The following ME2 variants were observed in gnomAD, a reference collection of about 807,000 sequenced individuals.
The protein encoded by ME2 is NAD-dependent malic enzyme, mitochondrial.
In ME2, 60 loss-of-function variants were observed where a neutral mutation model predicts 73.7. The ratio of observed to expected loss-of-function variants is 0.81; its 90% CI spans 0.66 to 1.01. The LOEUF (loss-of-function observed/expected upper bound fraction) is 1.01, where lower values mean the gene tolerates loss of function less well. Among genes scored for constraint, ME2 ranks in the 50% least tolerant of loss-of-function variants. The probability of loss-of-function intolerance (pLI) is 0.00; values close to 1 mark genes in which losing one functional copy is unlikely to be tolerated. For missense variants in ME2, 594 were observed against 705.5 expected (o/e 0.84, Z 1.79); for synonymous variants, 199 against 236.9 (o/e 0.84, Z 1.47).
chr18:50,921,711 G>C (rs557441881), intron 10 of ME2, among the ~76,000 whole-genome samples: 2 of 152,216 alleles, frequency 1.3e-5, no homozygotes, highest in Middle Eastern at 3.4e-3. Flanking sequence ...CGAGGCTACC[G>C]TGCCTGGCCG....
intron 2 of ME2, among the ~76,000 whole-genome samples, chr18:50,903,385 A>G (rs1335958935): frequency 2.0e-5 from 3 of 152,154 alleles, no homozygotes; most frequent in African/African-American, 4.8e-5. Flanking sequence ...CTTAAATCTA[A>G]ATAGGAAATA....
At chr18:50,910,297 G>T (rs188917072) in intron 3 of ME2, among the ~76,000 whole-genome samples, 2 of 135,666 alleles carry the variant, frequency 1.5e-5, no homozygotes, top group East Asian at 4.3e-4. Context: ...AAAAAAGCCA[G>T]GCATGGTGTC....
At chr18:50,915,964 C>A in intron 4 of ME2, 1 of 411,112 alleles carries the variant, frequency 2.4e-6, no homozygotes, top group Non-Finnish European at 4.3e-6. Flanking sequence ...TAACAATAAT[C>A]TTTGTTGCAT....
Position 50,940,301 on chromosome 18 carries a change from A to G in ME2, c.1502A>G (p.Gln501Arg). ...TTTTCTCTTCAGGCCCTGACAAGCC[A>G]ATTGACAGATGAAGAGCTAGCCCAA... Reference protein sequence around the residue: ...FLEAAKALTSQLTDEELAQGR... With the variant: ...FLEAAKALTSRLTDEELAQGR... Residue 501 changes from glutamine (Q) to arginine (R), a missense_variant, in exon 15 of 16, where the codon CAA becomes CGA. Transcript: ENST00000321341. 1 of 1,607,950 alleles carries G rather than the reference A, an allele frequency of 6.2e-7. No homozygotes were observed. The highest frequency in any genetic ancestry group is 8.5e-7 in the Non-Finnish European group (1 of 1,178,528).
chr18:50,927,838 A>G (rs1418379116), intron 12 of ME2, among the ~76,000 whole-genome samples: 1 of 118,556 alleles, frequency 8.4e-6, no homozygotes, highest in Admixed American at 1.0e-4. Flanking sequence ...TTTTTGAGAC[A>G]GGGTCTCTCT....
intron 13 of ME2, among the ~76,000 whole-genome samples, chr18:50,938,243 G>A (rs78973449): frequency 0.017 from 2,657 of 152,254 alleles, 78 homozygotes; most frequent in African/African-American, 0.059. Flanking sequence ...TAGGAGGATC[G>A]CTTGAGTCCA....
At chr18:50,918,023 A>T in intron 6 of ME2, 87 bp from the exon 7 acceptor site, 1 of 723,870 alleles carries the variant, frequency 1.4e-6, no homozygotes, top group Non-Finnish European at 2.1e-6. Context: ...AAATTGTATT[A>T]GTAATTTTTT....
intron 2 of ME2, among the ~76,000 whole-genome samples, chr18:50,902,700 A>G (rs1174162345): frequency 6.6e-6 from 1 of 152,182 alleles, no homozygotes; most frequent in Non-Finnish European, 1.5e-5. Flanking sequence ...CCTGGCCTCT[A>G]TCATCTATTT....
intron 2 of ME2, among the ~76,000 whole-genome samples, chr18:50,899,065 C>T (rs1436410887): frequency 6.6e-6 from 1 of 152,236 alleles, no homozygotes; most frequent in Non-Finnish European, 1.5e-5. Context: ...TCTGTATTTA[C>T]AGCCACTCCT....
At chr18:50,925,637 T>C (rs1917532943) in intron 11 of ME2, 119 bp from the exon 12 acceptor site, 1 of 784,902 alleles carries the variant, frequency 1.3e-6, no homozygotes, top group Non-Finnish European at 2.1e-6. Context: ...TAGTGCTATC[T>C]TTGTAATGAG....
chr18:50,900,691 G>A (rs895220046), intron 2 of ME2, among the ~76,000 whole-genome samples: 1 of 152,134 alleles, frequency 6.6e-6, no homozygotes, highest in Non-Finnish European at 1.5e-5. Flanking sequence ...CGTGTCAAAG[G>A]TAGGACCAGG....
intron 12 of ME2, among the ~76,000 whole-genome samples, chr18:50,926,434 G>C (rs1917555263): frequency 6.6e-6 from 1 of 152,116 alleles, no homozygotes; most frequent in Non-Finnish European, 1.5e-5. Flanking sequence ...TGATGATATA[G>C]CATTGTCTTA....
intron 13 of ME2, chr18:50,932,955 C>A (rs896537663): frequency 6.6e-6 from 1 of 152,220 alleles, no homozygotes; most frequent in Non-Finnish European, 1.5e-5. Flanking sequence ...GCCAGGTGTT[C>A]TTATTTTGTA....
intron 2 of ME2, among the ~76,000 whole-genome samples, chr18:50,905,659 C>T (rs1599098833): frequency 6.6e-6 from 1 of 152,120 alleles, no homozygotes; most frequent in East Asian, 1.9e-4. Flanking sequence ...GTGGGGGCTT[C>T]CAGGTTATAG....
intron 1 of ME2, among the ~76,000 whole-genome samples, chr18:50,895,001 C>T (rs1228136423): frequency 1.3e-5 from 2 of 149,766 alleles, no homozygotes; most frequent in African/African-American, 4.9e-5. Context: ...TGCCCCTTCA[C>T]ACATATCATG....
rs2144283934 is a variant in ME2 at position 50,949,631 on chromosome 18, A to G, written c.*2447A>G. On this transcript the variant is annotated 3_prime_UTR_variant, in exon 16 of 16. Coordinates refer to ENST00000321341, the MANE Select transcript of ME2 (RefSeq NM_002396.5). Reference sequence around the variant, plus strand: ...TAAACCTGTTTCTTGCTTAGTGTTTATTGAAGGCAGGAACGTATGCTGAAT... The same window carrying G: ...TAAACCTGTTTCTTGCTTAGTGTTTGTTGAAGGCAGGAACGTATGCTGAAT... 6.6e-6 allele frequency: 1 copy of G among 152,336 alleles called. No homozygotes were observed. Among genetic ancestry groups the G allele is most frequent in the South Asian group, 2.1e-4 (1 of 4,826 alleles). The allele number at this position is 152,336 out of a possible 1,614,324, so 9.4% of individuals were successfully genotyped here.
In ME2 at chr18:50,949,325, GGTTT is replaced by G. The variant is rs1174224754; in HGVS notation, c.*2150_*2153del. ...TAAAGACAAAAGGTTTATGGGTTTT[GGTTT>G]GTTTGTTTTAGATATGGGGTTTTGC... On this transcript the variant is annotated 3_prime_UTR_variant, in exon 16 of 16. Transcript: ENST00000321341. The G allele has an allele frequency of 2.0e-5, 3 of 152,252 alleles. No homozygotes were observed. In the East Asian group the frequency reaches 5.8e-4, roughly 29 times the overall value. 9.4% of individuals were successfully genotyped at this position (152,252 alleles called of 1,614,324 possible).
chr18:50,946,110 TTAAA>T lies in ME2; in HGVS notation c.1588-878_1588-875del, dbSNP rs10636386. ...ATCCATAACAGAGCAAGGCTCCATC[TTAAA>T]TAAATAAATAAATAAATAAATAAAT... is the stretch of plus-strand genomic sequence containing the variant. On this transcript the variant is annotated intron_variant, in intron 15 of 15. Transcript: ENST00000321341. 3.1e-3 allele frequency among the ~76,000 whole-genome samples: 460 copies of T among 149,038 alleles called. 2 individuals carry two copies. The highest frequency in any genetic ancestry group is 5.4e-3 in the South Asian group (25 of 4,592).
chr18:50,915,968 G>T, intron 4 of ME2, 200 bp from the exon 5 acceptor site: 24 of 397,764 alleles, frequency 6.0e-5, no homozygotes, highest in South Asian at 1.6e-4. Flanking sequence ...AATAATCTTT[G>T]TTGCATCTGC....
Sources: gnomAD v4.1 joint callset for allele counts (sites outside exome capture counted in the v4.1 genomes callset) on GRCh38, gnomAD v4.1.1 for gene constraint, MANE v1.5 for transcripts, NCBI Gene and HGNC (gene_info 2026-07-23, HGNC 2026-07-21) for gene names.